Variants in CCDC110 observed in about 807,000 individuals in gnomAD.
CCDC110 encodes the protein coiled-coil domain containing 110, also known as coiled-coil domain-containing protein 110.
Under a neutral mutation model 77.1 loss-of-function variants are expected in CCDC110, and 70 were observed. The observed-to-expected ratio is 0.91, with a 90% CI of 0.75 to 1.11. The LOEUF (loss-of-function observed/expected upper bound fraction) is 1.11, where lower values mean the gene tolerates loss of function less well. CCDC110 is among the 50% of genes least tolerant of loss of function. The pLI, the probability that CCDC110 is intolerant of heterozygous loss-of-function variation, is 0.00. For synonymous variants in CCDC110, 295 were observed against 312.5 expected, an observed-to-expected ratio of 0.94 and a Z score of 0.59; for missense variants, 868 against 942.9, an observed-to-expected ratio of 0.92 and a Z score of 1.04.
At chr4:185,452,589 T>C (rs77197085) in intron 6 of CCDC110, among the ~76,000 whole-genome samples, 11,935 of 152,120 alleles carry the variant, frequency 0.078, 520 homozygotes, top group South Asian at 0.13. Flanking sequence ...GGAACATGCA[T>C]TAAGAATAAT....
intron 2 of CCDC110, among the ~76,000 whole-genome samples, chr4:185,467,886 A>G (rs1033276032): frequency 6.6e-6 from 1 of 152,148 alleles, no homozygotes; most frequent in Non-Finnish European, 1.5e-5. Flanking sequence ...CTCCTGCCTC[A>G]GCTTCCTGAG....
intron 6 of CCDC110, among the ~76,000 whole-genome samples, chr4:185,448,108 C>A (rs1362334745): frequency 6.6e-6 from 1 of 151,620 alleles, no homozygotes; most frequent in South Asian, 2.1e-4. Flanking sequence ...GCAACCTCTG[C>A]CTCCCAGGTT....
intron 6 of CCDC110, among the ~76,000 whole-genome samples, chr4:185,447,397 GAC>G (rs1478159886): frequency 6.6e-6 from 1 of 151,888 alleles, no homozygotes; most frequent in East Asian, 1.9e-4. Context: ...AGCCAGGATG[GAC>G]TTGATCTCCT....
intron 2 of CCDC110, among the ~76,000 whole-genome samples, chr4:185,466,102 GCA>G (rs2095655189): frequency 1.3e-5 from 2 of 152,174 alleles, no homozygotes; most frequent in South Asian, 2.1e-4. Context: ...TGGGCCGGGT[GCA>G]GTGGCTCGCA....
intron 6 of CCDC110, among the ~76,000 whole-genome samples, chr4:185,446,908 G>T (rs890517731): frequency 1.3e-5 from 2 of 152,052 alleles, no homozygotes; most frequent in Non-Finnish European, 2.9e-5. Flanking sequence ...CTGCTTTCCT[G>T]TTGTCTTTCT....
chr4:185,459,753 A>C lies in CCDC110; in HGVS notation c.834T>G (p.Asn278Lys). 6.2e-7 allele frequency: 1 copy of C among 1,613,746 alleles called. No homozygotes were observed. Among genetic ancestry groups the C allele is most frequent in the Non-Finnish European group, 8.5e-7 (1 of 1,179,914 alleles). ...TLQTDPDVHR[N>K]GKYDMSPIHQ... ...GAATAGGGGACATGTCATATTTACC[A>C]TTCCTGTGAACATCTGGATCAGTTT... The change falls in exon 6 of 7, where the codon AAT (asparagine) becomes AAG (lysine). Residue 278 changes from asparagine to lysine, a missense_variant. Coordinates refer to ENST00000307588, the MANE Select transcript of CCDC110 (RefSeq NM_152775.4).
intron 2 of CCDC110, among the ~76,000 whole-genome samples, chr4:185,465,412 C>T (rs957477632): frequency 3.3e-5 from 5 of 152,218 alleles, no homozygotes; most frequent in Admixed American, 6.5e-5. Flanking sequence ...GGGATTTATA[C>T]ATGTTGTCTA....
chr4:185,459,784 G>C lies in CCDC110; in HGVS notation c.803C>G (p.Thr268Ser), dbSNP rs1399066666. 1 of 1,613,570 alleles carries C rather than the reference G, an allele frequency of 6.2e-7. No homozygotes were observed. Among genetic ancestry groups the C allele is most frequent in the Non-Finnish European group, 8.5e-7 (1 of 1,179,888 alleles). ...GEVALTNELQ[T>S]LQTDPDVHRN... ...GTGAACATCTGGATCAGTTTGTAAA[G>C]TCTGAAGTTCATTTGTAAGTGCCAC... is the stretch of plus-strand genomic sequence containing the variant. The change falls in exon 6 of 7, where the codon ACT becomes AGT. Residue 268 changes from threonine to serine, a missense_variant. Transcript: ENST00000307588.
At chr4:185,453,164 T>C (rs2095631487) in intron 6 of CCDC110, among the ~76,000 whole-genome samples, 1 of 152,220 alleles carries the variant, frequency 6.6e-6, no homozygotes, top group African/African-American at 2.4e-5. Context: ...ACCCAGGAGT[T>C]TGAGGCCAGA....
In CCDC110 at chr4:185,468,719, C is replaced by T. The variant is rs2095660419; in HGVS notation, c.115+2226G>A. On this transcript the variant is annotated intron_variant, in intron 2 of 6. Transcript: ENST00000307588. This position sits in a 1 kb window ranked among gnomAD's most constrained non-coding sequence, Gnocchi z 4.5. Reference sequence around the variant, plus strand: ...CCTGCTGAGTGAGCCCTTCTCCTACCACCCTGTTTAAAATGACACACTTCC... The same window carrying T: ...CCTGCTGAGTGAGCCCTTCTCCTACTACCCTGTTTAAAATGACACACTTCC... Among the ~76,000 whole-genome samples, 1 of 152,146 alleles carries T rather than the reference C, an allele frequency of 6.6e-6. No homozygotes were observed. The highest frequency in any genetic ancestry group is 1.5e-5 in the Non-Finnish European group (1 of 68,018).
Position 185,459,579 on chromosome 4 carries a change from A to C in CCDC110, c.1008T>G (p.Phe336Leu), listed in dbSNP as rs758552464. The change falls in exon 6 of 7, where the codon TTT becomes TTG. Residue 336 changes from phenylalanine (F) to leucine (L), a missense_variant. Coordinates refer to ENST00000307588, the MANE Select transcript of CCDC110 (RefSeq NM_152775.4). ...TAGATAACTTTTTACATTTTCTACA[A>C]AAATGCACATGGAATTTTGACACAG... ...RETVSKFHVH[F>L]CRKCKKLSKS... 6.2e-7 allele frequency: 1 copy of C among 1,613,312 alleles called. No individual in the cohort carries two copies. The highest frequency in any genetic ancestry group is 1.7e-5 in the Admixed American group (1 of 59,988).
In CCDC110 at chr4:185,459,238, C is replaced by A; in HGVS notation, c.1349G>T (p.Ser450Ile). The change falls in exon 6 of 7, where the codon AGT (serine) becomes ATT (isoleucine). Residue 450 changes from serine (S) to isoleucine (I), a missense_variant. Transcript: ENST00000307588. ...QIQKKVMELE[S>I]ENLNLKSKMK... is the part of the protein sequence containing the mutation. Reference sequence around the variant, plus strand: ...TTTGGACTTAAGGTTTAGATTTTCACTCTCCAGTTCCATTACTTTTTTCTG... The same window carrying A: ...TTTGGACTTAAGGTTTAGATTTTCAATCTCCAGTTCCATTACTTTTTTCTG... The A allele has an allele frequency of 6.2e-7, 1 of 1,606,836 alleles. No individual in the cohort carries two copies. Among genetic ancestry groups the A allele is most frequent in the Non-Finnish European group, 8.5e-7 (1 of 1,178,000 alleles).
chr4:185,462,736 A>C, intron 3 of CCDC110, 28 bp from the exon 4 acceptor site: 2 of 1,575,080 alleles, frequency 1.3e-6, no homozygotes, highest in Non-Finnish European at 1.7e-6. Context: ...TATGAAATTG[A>C]GTATTTTTAG....
intron 2 of CCDC110, chr4:185,470,618 G>A (rs984840952): frequency 8.1e-6 from 4 of 493,880 alleles, no homozygotes; most frequent in South Asian, 1.5e-5. Context: ...GCGTGGTGGT[G>A]AAGACAGGCA....
intron 6 of CCDC110, among the ~76,000 whole-genome samples, chr4:185,446,582 C>G (rs1003304273): frequency 1.3e-4 from 20 of 152,066 alleles, no homozygotes; most frequent in African/African-American, 4.8e-4. Context: ...TTCTGGGCAT[C>G]TTAAGCTTTA....
chr4:185,470,525 G>A, intron 2 of CCDC110: 1 of 364,816 alleles, frequency 2.7e-6, no homozygotes, highest in Non-Finnish European at 5.6e-6. Flanking sequence ...CCCAGATACC[G>A]AGGGCTGACT....
chr4:185,471,242 G>A (rs2095666400), intron 1 of CCDC110, 193 bp from the exon 2 acceptor site: 1 of 151,366 alleles, frequency 6.6e-6, no homozygotes, highest in African/African-American at 4.6e-5. Flanking sequence ...GAGGGAATTA[G>A]GAGGGGGCGG....
intron 6 of CCDC110, among the ~76,000 whole-genome samples, chr4:185,455,672 T>C (rs2095634991): frequency 6.6e-6 from 1 of 152,068 alleles, no homozygotes; most frequent in African/African-American, 2.4e-5. Flanking sequence ...TCACCTGAGG[T>C]CAGGAGTTTG....
At chr4:185,467,766 C>A (rs1441832031) in intron 2 of CCDC110, among the ~76,000 whole-genome samples, 1 of 152,230 alleles carries the variant, frequency 6.6e-6, no homozygotes, top group Non-Finnish European at 1.5e-5. Context: ...CCAATACATT[C>A]TGAAAATGCA....
Sources: gnomAD v4.1 joint callset for allele counts (sites outside exome capture counted in the v4.1 genomes callset) on GRCh38, gnomAD v4.1.1 for gene constraint, Gnocchi (gnomAD v3.1) non-coding constraint, MANE v1.5 for transcripts, NCBI Gene and HGNC (gene_info 2026-07-23, HGNC 2026-07-21) for gene names.